Variants in SVOP observed in about 807,000 individuals in gnomAD.
SVOP encodes the protein synaptic vesicle 2-related protein.
In SVOP, 17 loss-of-function variants were observed where a neutral mutation model predicts 69.1. The ratio of observed to expected loss-of-function variants is 0.25; its 90% CI spans 0.17 to 0.37. The LOEUF (loss-of-function observed/expected upper bound fraction) is 0.37, where lower values mean the gene tolerates loss of function less well. Ranked by LOEUF, SVOP falls within the 10% of genes least tolerant of loss-of-function variation. The pLI, the probability that SVOP is intolerant of heterozygous loss-of-function variation, is 1.00. For synonymous variants in SVOP, 238 were observed against 238.6 expected (o/e 1.00, Z 0.02); for missense variants, 435 against 597.5 (o/e 0.73, Z 2.84).
chr12:108,943,889 T>C (rs1309166235), intron 7 of SVOP, among the ~76,000 whole-genome samples: 3 of 151,304 alleles, frequency 2.0e-5, no homozygotes, highest in African/African-American at 7.3e-5. Flanking sequence ...TCTTCTTCTT[T>C]CTTTTTTTTT....
intron 5 of SVOP, among the ~76,000 whole-genome samples, chr12:108,967,177 G>A (rs1451389332): frequency 6.6e-6 from 1 of 152,144 alleles, no homozygotes; most frequent in Non-Finnish European, 1.5e-5. Context: ...TATTTCACTT[G>A]TCCAAATGAG....
At chr12:108,913,432 T>A (rs2039697316) in intron 15 of SVOP, among the ~76,000 whole-genome samples, 1 of 152,156 alleles carries the variant, frequency 6.6e-6, no homozygotes, top group South Asian at 2.1e-4. Flanking sequence ...GCTAAGTACT[T>A]CATCCCCATT....
intron 4 of SVOP, among the ~76,000 whole-genome samples, chr12:108,975,488 G>C (rs1444929436): frequency 6.6e-6 from 1 of 152,214 alleles, no homozygotes; most frequent in Non-Finnish European, 1.5e-5. Context: ...GCTTGTGCAA[G>C]TCAATGCCCC....
intron 1 of SVOP, among the ~76,000 whole-genome samples, chr12:109,011,683 C>A (rs1252415781): frequency 6.6e-6 from 1 of 152,108 alleles, no homozygotes; most frequent in East Asian, 1.9e-4. Flanking sequence ...TTCATAGTTA[C>A]CAACCTATGG....
chr12:109,020,754 A>ACCCACCC, intron 1 of SVOP, 80 bp downstream of exon 1: 2 of 237,612 alleles, frequency 8.4e-6, no homozygotes, highest in Non-Finnish European at 1.6e-5. Context: ...GCAGAGATGT[A>ACCCACCC]CCCCCCCCCA....
intron 1 of SVOP, among the ~76,000 whole-genome samples, chr12:109,003,370 G>A (rs911282487): frequency 6.6e-6 from 1 of 152,208 alleles, no homozygotes; most frequent in African/African-American, 2.4e-5. Context: ...TCTAGTTGAT[G>A]GAACAGCATG....
chr12:108,988,080 C>A, intron 1 of SVOP, among the ~76,000 whole-genome samples: 1 of 96,074 alleles, frequency 1.0e-5, no homozygotes, highest in Admixed American at 9.9e-5. Context: ...CACGGCCATG[C>A]CTGACTAATT....
In SVOP at chr12:108,966,608, T is replaced by A. The variant is rs1244498335; in HGVS notation, c.454-5561A>T. Among the ~76,000 whole-genome samples the A allele has an allele frequency of 2.0e-5, 3 of 151,962 alleles. No individual in the cohort carries two copies. In the East Asian group the frequency reaches 5.8e-4, roughly 29 times the overall value. On this transcript the variant is annotated intron_variant, in intron 5 of 15. Coordinates refer to ENST00000610966, the MANE Select transcript of SVOP (RefSeq NM_018711.5). ...TTATAATTAGAGTCTGATCTGTCCT[T>A]CCTGAGGTTGGGCCAGAATTCCATG...
At chr12:108,985,373 G>A (rs1458156519) in intron 1 of SVOP, among the ~76,000 whole-genome samples, 1 of 151,208 alleles carries the variant, frequency 6.6e-6, no homozygotes, top group Non-Finnish European at 1.5e-5. Context: ...AAAAGGAAAA[G>A]GAAAATAAAA....
chr12:108,965,755 A>C (rs1275001745), intron 5 of SVOP, among the ~76,000 whole-genome samples: 1 of 152,114 alleles, frequency 6.6e-6, no homozygotes, highest in Non-Finnish European at 1.5e-5. Flanking sequence ...GTTCAACCGA[A>C]GGACAGTATT....
intron 5 of SVOP, 136 bp from the exon 6 acceptor site, chr12:108,961,183 G>A: frequency 8.9e-7 from 1 of 1,119,820 alleles, no homozygotes; most frequent in Non-Finnish European, 1.2e-6. Context: ...GGGTTCCTCT[G>A]TATGGGGAGT....
At chr12:108,919,498 C>T (rs1593176523) in intron 13 of SVOP, among the ~76,000 whole-genome samples, 177 bp downstream of exon 13, 1 of 151,824 alleles carries the variant, frequency 6.6e-6, no homozygotes, top group East Asian at 1.9e-4. Context: ...TACACCAACA[C>T]ATGCACTCAC....
chr12:108,995,545 G>C (rs1181773791), intron 1 of SVOP, among the ~76,000 whole-genome samples: 1 of 152,102 alleles, frequency 6.6e-6, no homozygotes, highest in African/African-American at 2.4e-5. Context: ...AGTTGGGGAG[G>C]ATGAAAAAAT....
At chr12:108,934,738 C>A (rs544137635) in intron 10 of SVOP, among the ~76,000 whole-genome samples, 1 of 152,360 alleles carries the variant, frequency 6.6e-6, no homozygotes, top group African/African-American at 2.4e-5. Flanking sequence ...GTCATCCTCA[C>A]TGCTACACTC....
chr12:108,932,884 T>A (rs1357160833), intron 11 of SVOP, among the ~76,000 whole-genome samples: 1 of 152,190 alleles, frequency 6.6e-6, no homozygotes, highest in African/African-American at 2.4e-5. Flanking sequence ...ATAATTCTTT[T>A]TTTTTCGTTT....
chr12:109,008,926 T>A (rs1459545254), intron 1 of SVOP, among the ~76,000 whole-genome samples: 1 of 151,864 alleles, frequency 6.6e-6, no homozygotes, highest in East Asian at 1.9e-4. Flanking sequence ...CAGGGTTGGT[T>A]ATTTGTCTTT....
intron 1 of SVOP, among the ~76,000 whole-genome samples, chr12:108,994,276 T>C (rs2040219420): frequency 6.6e-6 from 1 of 152,034 alleles, no homozygotes; most frequent in Non-Finnish European, 1.5e-5. Flanking sequence ...AGCAGATCAT[T>C]TGAGGTCAGG....
At chr12:108,926,425 C>T (rs954807519) in intron 11 of SVOP, 1 of 152,100 alleles carries the variant, frequency 6.6e-6, no homozygotes, top group African/African-American at 2.4e-5. Context: ...ATTTTCTTAA[C>T]CCAATCCACA....
At chr12:109,014,841 C>T (rs1265499286) in intron 1 of SVOP, among the ~76,000 whole-genome samples, 1 of 152,148 alleles carries the variant, frequency 6.6e-6, no homozygotes, top group Non-Finnish European at 1.5e-5. Flanking sequence ...CCCTCCTCAG[C>T]CTCCTAAGTA....
Sources: allele counts gnomAD v4.1 joint callset (sites outside exome capture counted in the v4.1 genomes callset), GRCh38; gene constraint gnomAD v4.1.1; transcripts MANE v1.5; gene names NCBI Gene and HGNC (gene_info 2026-07-23, HGNC 2026-07-21).